The following SMURF2 variants were observed in gnomAD, a reference collection of about 807,000 sequenced individuals.
The protein encoded by SMURF2 is SMAD specific E3 ubiquitin protein ligase 2.
SMURF2 carries 48 observed loss-of-function variants against 109.6 expected under a neutral mutation model. The observed-to-expected ratio is 0.44, with a 90% CI of 0.35 to 0.56. The LOEUF (loss-of-function observed/expected upper bound fraction) is 0.56. Among genes scored for constraint, SMURF2 ranks in the 20% least tolerant of loss-of-function variants. The pLI is 0.01. For missense variants in SMURF2, 575 were observed against 909.0 expected, an observed-to-expected ratio of 0.63 and a Z score of 4.72; for synonymous variants, 288 against 317.1, an observed-to-expected ratio of 0.91 and a Z score of 0.97.
intron 1 of SMURF2, among the ~76,000 whole-genome samples, chr17:64,630,372 C>T (rs1438784902): frequency 6.6e-6 from 1 of 152,122 alleles, no homozygotes; most frequent in Non-Finnish European, 1.5e-5. Flanking sequence ...TGAGAGATTA[C>T]CAGCTAACTG....
At chr17:64,624,942 C>T (rs1160579945) in intron 1 of SMURF2, among the ~76,000 whole-genome samples, 1 of 152,128 alleles carries the variant, frequency 6.6e-6, no homozygotes. Context: ...AGTATGTGAT[C>T]CTGACCCACT....
At chr17:64,643,094 G>C (rs1375252455) in intron 1 of SMURF2, among the ~76,000 whole-genome samples, 1 of 152,012 alleles carries the variant, frequency 6.6e-6, no homozygotes, top group Non-Finnish European at 1.5e-5. Flanking sequence ...GCGCCATCAC[G>C]GTTCACTGCA....
At chr17:64,607,263 T>C (rs1555689138) in intron 1 of SMURF2, among the ~76,000 whole-genome samples, 1 of 152,160 alleles carries the variant, frequency 6.6e-6, no homozygotes, top group African/African-American at 2.4e-5. Flanking sequence ...TAATATGCAT[T>C]AAATTACTTA....
At chr17:64,633,373 C>T (rs1970374358) in intron 1 of SMURF2, among the ~76,000 whole-genome samples, 2 of 152,188 alleles carry the variant, frequency 1.3e-5, no homozygotes, top group African/African-American at 2.4e-5. Flanking sequence ...GAGGAAAGAA[C>T]AACTTCAAAG....
chr17:64,551,781 T>C (rs1969049504), intron 15 of SMURF2, 77 bp from the exon 16 acceptor site: 2 of 1,551,644 alleles, frequency 1.3e-6, no homozygotes, highest in Non-Finnish European at 1.8e-6. Flanking sequence ...ATCTCTACTT[T>C]AGCAACACCG....
intron 1 of SMURF2, among the ~76,000 whole-genome samples, chr17:64,635,703 C>A (rs56183125): frequency 0.023 from 3,573 of 152,162 alleles, 67 homozygotes; most frequent in Middle Eastern, 0.054. Context: ...ATAGATATGC[C>A]ATATTTTGTT....
intron 10 of SMURF2, among the ~76,000 whole-genome samples, chr17:64,568,972 A>G (rs1354701308): frequency 1.3e-5 from 2 of 151,742 alleles, no homozygotes; most frequent in East Asian, 3.9e-4. Context: ...ACTGCACTCC[A>G]GCCTGGGCAA....
intron 5 of SMURF2, among the ~76,000 whole-genome samples, chr17:64,589,994 T>C (rs1969727391): frequency 6.6e-6 from 1 of 152,068 alleles, no homozygotes; most frequent in Non-Finnish European, 1.5e-5. Context: ...GTGGCTACTC[T>C]GATGGTTCTC....
rs932965436 is a variant in SMURF2 at position 64,661,887 on chromosome 17, G to T, written c.-7C>A. ...GGCCTCCGGGGTTAGACATGTCCCCGGCGGCGGGGGCGGCGGGGGCGGCGG... is the reference window on the plus strand; with the variant it reads ...GGCCTCCGGGGTTAGACATGTCCCCTGCGGCGGGGGCGGCGGGGGCGGCGG... On this transcript the variant is annotated 5_prime_UTR_variant, in exon 1 of 19. Transcript: ENST00000262435. 8.9e-7 allele frequency: 1 copy of T among 1,124,164 alleles called. No homozygotes were observed. The highest frequency in any genetic ancestry group is 1.1e-6 in the Non-Finnish European group (1 of 929,792). 69.6% of individuals were successfully genotyped at this position (1,124,164 alleles called of 1,614,324 possible). A position where few individuals can be genotyped will look rare whatever the true frequency, so the allele number is the denominator to read the frequency against.
chr17:64,550,684 G>A (rs1199559013), intron 16 of SMURF2, among the ~76,000 whole-genome samples: 3 of 149,456 alleles, frequency 2.0e-5, no homozygotes, highest in East Asian at 2.0e-4. Context: ...GGAGGCTGAG[G>A]CAGGAGAATC....
intron 1 of SMURF2, among the ~76,000 whole-genome samples, chr17:64,637,018 G>C (rs118159243): frequency 0.022 from 3,365 of 151,976 alleles, 63 homozygotes; most frequent in East Asian, 0.074. Context: ...CCAGGAGTTC[G>C]AGACCAGTCT....
chr17:64,659,970 A>G (rs1053157578), intron 1 of SMURF2, among the ~76,000 whole-genome samples: 2 of 152,188 alleles, frequency 1.3e-5, no homozygotes, highest in Non-Finnish European at 2.9e-5. Flanking sequence ...AGGGTATTTA[A>G]AATTCCTCAG....
chr17:64,603,195 C>T (rs1969921692), intron 2 of SMURF2, among the ~76,000 whole-genome samples: 2 of 151,100 alleles, frequency 1.3e-5, no homozygotes, highest in Admixed American at 1.3e-4. Flanking sequence ...CTATAAAACA[C>T]CTTATTACCT....
At chr17:64,611,456 A>C (rs1464052503) in intron 1 of SMURF2, among the ~76,000 whole-genome samples, 1 of 152,122 alleles carries the variant, frequency 6.6e-6, no homozygotes, top group Non-Finnish European at 1.5e-5. Context: ...CTTCCCCGCA[A>C]ACCTGCTCCT....
chr17:64,662,269 T>G lies in SMURF2; in HGVS notation c.-389A>C. ...GCTCGGGGGCGCCGGAGCAGAACTCTGGGCTCGGCCGCTTCCTCCTCCACC... is the reference window on the plus strand; with the variant it reads ...GCTCGGGGGCGCCGGAGCAGAACTCGGGGCTCGGCCGCTTCCTCCTCCACC... On this transcript the variant is annotated 5_prime_UTR_variant, in exon 1 of 19. Transcript: ENST00000262435. The G allele has an allele frequency of 2.0e-6, 2 of 982,832 alleles. No individual in the cohort carries two copies. The highest frequency in any genetic ancestry group is 1.2e-6 in the Non-Finnish European group (1 of 829,002). The allele number at this position is 982,832 out of a possible 1,614,324, so 60.9% of individuals were successfully genotyped here.
chr17:64,607,398 C>T (rs1292164375), intron 1 of SMURF2, among the ~76,000 whole-genome samples: 15 of 151,620 alleles, frequency 9.9e-5, no homozygotes, highest in South Asian at 2.1e-4. Flanking sequence ...GAGGCCGAGG[C>T]GGGCGGATCA....
intron 9 of SMURF2, among the ~76,000 whole-genome samples, chr17:64,576,739 T>C (rs533505763): frequency 6.6e-4 from 100 of 152,254 alleles, no homozygotes; most frequent in Non-Finnish European, 1.2e-3. Flanking sequence ...TAACAGAACA[T>C]TGAATGCATT....
At chr17:64,570,367 T>G (rs1335656139) in intron 10 of SMURF2, among the ~76,000 whole-genome samples, 1 of 152,228 alleles carries the variant, frequency 6.6e-6, no homozygotes, top group African/African-American at 2.4e-5. Flanking sequence ...TGAACCTTGC[T>G]CTCCAAGTTC....
At chr17:64,616,866 C>A (rs1194099184) in intron 1 of SMURF2, among the ~76,000 whole-genome samples, 2 of 150,928 alleles carry the variant, frequency 1.3e-5, no homozygotes, top group Non-Finnish European at 3.0e-5. Context: ...CCTAGGAGTT[C>A]GAGACCAGTC....
Sources: allele counts gnomAD v4.1 joint callset (sites outside exome capture counted in the v4.1 genomes callset), GRCh38; gene constraint gnomAD v4.1.1; transcripts MANE v1.5; gene names NCBI Gene and HGNC (gene_info 2026-07-23, HGNC 2026-07-21).